Variants in PHF12 observed in about 807,000 individuals in gnomAD.
The protein encoded by PHF12 is PHD factor 1.
Under a neutral mutation model 99.8 loss-of-function variants are expected in PHF12, and 6 were observed. That is an observed-to-expected ratio of 0.06 (90% CI 0.03 to 0.12). PHF12 has a LOEUF of 0.12. Ranked by LOEUF, PHF12 falls within the 10% of genes least tolerant of loss-of-function variation. The pLI is 1.00. For synonymous variants in PHF12, 480 were observed against 514.9 expected, an observed-to-expected ratio of 0.93 and a Z score of 0.92; for missense variants, 954 against 1,300.1, an observed-to-expected ratio of 0.73 and a Z score of 4.09.
In PHF12 at chr17:28,935,626, AG is replaced by A. The variant is rs1244497689; in HGVS notation, c.249-8564del. Among the ~76,000 whole-genome samples, 6 of 152,226 alleles carry A rather than the reference AG, an allele frequency of 3.9e-5. No individual in the cohort carries two copies. The East Asian group carries it at 9.6e-4, about 24-fold the overall frequency. ...CTTAAAGACATGCTGTTAGTTATAA[AG>A]CTGTTCATAACAGTAAAGCCCTAAA... is the stretch of plus-strand genomic sequence containing the variant. On this transcript the variant is annotated intron_variant, in intron 2 of 14. Coordinates refer to ENST00000332830, the MANE Select transcript of PHF12 (RefSeq NM_001033561.2).
chr17:28,911,027 C>G lies in PHF12; in HGVS notation c.2215+85G>C. On this transcript the variant is annotated intron_variant, in intron 10 of 14. Coordinates refer to ENST00000332830, the MANE Select transcript of PHF12 (RefSeq NM_001033561.2). ...CTCTGGGATCAGGTGTCCCTTCCCT[C>G]CCTTTCTGAAATGAGCTGAATGCTG... The G allele has an allele frequency of 3.8e-6, 6 of 1,574,942 alleles. No individual in the cohort carries two copies. In the South Asian group the frequency reaches 5.9e-5, roughly 15 times the overall value.
At chr17:28,931,829 A>G (rs1344197235) in intron 2 of PHF12, among the ~76,000 whole-genome samples, 2 of 151,664 alleles carry the variant, frequency 1.3e-5, no homozygotes, top group African/African-American at 4.8e-5. Context: ...TAATCTGCCT[A>G]CCTCGGCCTC....
intron 2 of PHF12, among the ~76,000 whole-genome samples, chr17:28,932,802 T>C (rs1181660169): frequency 6.6e-6 from 1 of 152,074 alleles, no homozygotes; most frequent in Admixed American, 6.6e-5. Flanking sequence ...AAAAATTGGC[T>C]GGGTGTGGTG....
At chr17:28,912,381 T>C (rs2039975232) in intron 9 of PHF12, 101 bp downstream of exon 9, 1 of 1,456,918 alleles carries the variant, frequency 6.9e-7, no homozygotes, top group Non-Finnish European at 9.1e-7. Flanking sequence ...AAGGCCAAAG[T>C]CCTCTGAAGT....
At chr17:28,917,166 A>G in intron 7 of PHF12, 119 bp downstream of exon 7, 1 of 1,376,074 alleles carries the variant, frequency 7.3e-7, no homozygotes, top group Non-Finnish European at 1.0e-6. Context: ...CTCACGAGAC[A>G]CCACAAACCT....
chr17:28,951,126 C>A lies in PHF12; in HGVS notation c.-166G>T, dbSNP rs1028058367. 2 of 1,443,168 alleles carry A rather than the reference C, an allele frequency of 1.4e-6. No individual in the cohort carries two copies. The highest frequency in any genetic ancestry group is 5.2e-5 in the Admixed American group (2 of 38,822). 89.4% of individuals were successfully genotyped at this position (1,443,168 alleles called of 1,614,324 possible). A position where few individuals can be genotyped will look rare whatever the true frequency, so the allele number is the denominator to read the frequency against. ...CCCCCACCCCCCGGCCCCCAGTCCCCGGGACGACAGCGTCCTCCCGACGGG... is the reference window on the plus strand; with the variant it reads ...CCCCCACCCCCCGGCCCCCAGTCCCAGGGACGACAGCGTCCTCCCGACGGG... On this transcript the variant is annotated 5_prime_UTR_variant, in exon 1 of 15. Coordinates refer to ENST00000332830, the MANE Select transcript of PHF12 (RefSeq NM_001033561.2).
intron 7 of PHF12, among the ~76,000 whole-genome samples, chr17:28,916,379 A>C (rs780896954): frequency 6.6e-6 from 1 of 152,226 alleles, no homozygotes; most frequent in African/African-American, 2.4e-5. Context: ...TATTTTTAGC[A>C]GAGACGGGGT....
Position 28,913,287 on chromosome 17 carries a change from A to AAGGAG in PHF12, c.1294-15_1294-11dup. ...CAACACTACAGAGCCACTGCAATGG[A>AAGGAG]AGGAGAGGAGAGGGGGGTGAGAAGC... On this transcript the variant is annotated splice_polypyrimidine_tract_variant and intron_variant, in intron 8 of 14. Coordinates refer to ENST00000332830, the MANE Select transcript of PHF12 (RefSeq NM_001033561.2). 4 of 1,593,872 alleles carry AAGGAG rather than the reference A, an allele frequency of 2.5e-6. No individual in the cohort carries two copies. The highest frequency in any genetic ancestry group is 3.4e-6 in the Non-Finnish European group (4 of 1,167,776).
intron 2 of PHF12, chr17:28,929,797 G>A (rs767628849): frequency 6.6e-6 from 1 of 152,140 alleles, no homozygotes; most frequent in Non-Finnish European, 1.5e-5. Context: ...CCAAGCCCTA[G>A]AGGACCACAG....
rs950850615 is a variant in PHF12 at position 28,924,234 on chromosome 17, T to A, written c.390A>T (p.Thr130=). The A allele has an allele frequency of 6.2e-7, 1 of 1,614,228 alleles. No individual in the cohort carries two copies. The highest frequency in any genetic ancestry group is 1.7e-5 in the Admixed American group (1 of 60,036). ...ACAAGTCAGTGTCACTGCTGGGGGA[T>A]GTAGTCCGTTTGCCAGATTTGTCCA... is the stretch of plus-strand genomic sequence containing the variant. The part of the protein sequence containing the change: ...GLVDKSGKRT[T]SPSSDTDLLD... The change falls in exon 4 of 15, where the codon ACA becomes ACT. Residue 130 remains threonine (T), a synonymous_variant. Transcript: ENST00000332830.
intron 2 of PHF12, among the ~76,000 whole-genome samples, chr17:28,936,320 G>A (rs1056981950): frequency 6.6e-6 from 1 of 152,204 alleles, no homozygotes; most frequent in African/African-American, 2.4e-5. Context: ...AGGGGAGAGC[G>A]GGGGATGGGG....
rs2039873384 is a variant in PHF12 at position 28,906,489 on chromosome 17, T to C, written c.2709A>G (p.Glu903=). 6.2e-7 allele frequency: 1 copy of C among 1,606,140 alleles called. No individual in the cohort carries two copies. Among genetic ancestry groups the C allele is most frequent in the Non-Finnish European group, 8.5e-7 (1 of 1,173,850 alleles). ...TCATGGCTGCCTCCTCACTTGGCTC[T>C]TCGTCCTGTTTCTGGTGCCGGCGGC... The part of the protein sequence containing the change: ...IRRRRHQKQD[E]EPSEEAAMMS... The change falls in exon 15 of 15, where the codon GAA becomes GAG. Residue 903 remains glutamate (E), a synonymous_variant. Transcript: ENST00000332830. The surrounding 1 kb of genome is among the most constrained non-coding windows in gnomAD (Gnocchi z 4.2).
chr17:28,910,081 A>T, intron 11 of PHF12, 145 bp downstream of exon 11: 1 of 1,257,942 alleles, frequency 7.9e-7, no homozygotes, highest in Non-Finnish European at 1.2e-6. Context: ...TTCAGAAAAA[A>T]ACCATGGTGC....
rs901115890 is a variant in PHF12 at position 28,919,749 on chromosome 17, C to T, written c.837-474G>A. Among the ~76,000 whole-genome samples the T allele has an allele frequency of 2.0e-5, 3 of 152,094 alleles. No individual in the cohort carries two copies. The East Asian group carries it at 5.8e-4, about 29-fold the overall frequency. ...GAGAGAGACTCTATCTCAAACAAAA[C>T]AAAACAGAACACAACAAAACAAAAA... On this transcript the variant is annotated intron_variant, in intron 5 of 14. Transcript: ENST00000332830.
intron 9 of PHF12, chr17:28,912,177 G>GAGGCCT (rs768437589): frequency 1.2e-5 from 14 of 1,189,362 alleles, no homozygotes; most frequent in Non-Finnish European, 1.4e-5. Context: ...AAAACAGGCA[G>GAGGCCT]AGGCCTAGGC....
chr17:28,937,987 C>T (rs568464116), intron 2 of PHF12, among the ~76,000 whole-genome samples: 1 of 152,316 alleles, frequency 6.6e-6, no homozygotes, highest in African/African-American at 2.4e-5. Context: ...GAAGAACCAA[C>T]AACTGCCAAC....
intron 2 of PHF12, among the ~76,000 whole-genome samples, chr17:28,939,995 T>G (rs1407567599): frequency 6.6e-6 from 1 of 152,050 alleles, no homozygotes; most frequent in Non-Finnish European, 1.5e-5. Context: ...AGGCACGGAG[T>G]TGCTCCCTGC....
chr17:28,929,869 C>T (rs143724925), intron 2 of PHF12: 26 of 152,322 alleles, frequency 1.7e-4, no homozygotes, highest in Non-Finnish European at 3.5e-4. Flanking sequence ...AAGGCCACAT[C>T]TAAACTACTG....
chr17:28,945,236 A>C (rs1358587987), intron 2 of PHF12: 2 of 152,236 alleles, frequency 1.3e-5, no homozygotes, highest in East Asian at 1.9e-4. Context: ...CCCTGTATCC[A>C]AAAACAAACA....
Sources: allele counts gnomAD v4.1 joint callset (sites outside exome capture counted in the v4.1 genomes callset), GRCh38; gene constraint gnomAD v4.1.1; non-coding constraint Gnocchi (gnomAD v3.1); transcripts MANE v1.5; gene names NCBI Gene and HGNC (gene_info 2026-07-23, HGNC 2026-07-21).